Variants in TCERG1L observed in about 807,000 individuals in gnomAD.
TCERG1L encodes the protein transcription elongation regulator 1 like.
A neutral mutation model predicts 56.3 loss-of-function variants in TCERG1L; 37 were observed. The observed-to-expected ratio is 0.66, with a 90% CI of 0.51 to 0.87. The LOEUF is 0.87. Ranked by LOEUF, TCERG1L falls within the 40% of genes least tolerant of loss-of-function variation. The pLI, the probability that TCERG1L is intolerant of heterozygous loss-of-function variation, is 0.00. For missense variants in TCERG1L, 799 were observed against 774.2 expected (o/e 1.03, Z -0.38); for synonymous variants, 324 against 326.3 (o/e 0.99, Z 0.08).
intron 4 of TCERG1L, among the ~76,000 whole-genome samples, chr10:131,195,005 T>C (rs983618254): frequency 5.3e-5 from 8 of 152,220 alleles, no homozygotes; most frequent in African/African-American, 1.9e-4. Context: ...CTGTTCCATT[T>C]GCTGAGGTCA....
At position 131,184,331 on chromosome 10, in the gene TCERG1L, A is replaced by C. The variant is rs185859779; in HGVS notation, c.857-17446T>G. Among the ~76,000 whole-genome samples, 261 of 152,148 alleles carry C rather than the reference A, an allele frequency of 1.7e-3. 1 individual carries two copies. Among genetic ancestry groups the C allele is most frequent in the Middle Eastern group, 0.014 (4 of 294 alleles). On this transcript the variant is annotated intron_variant, in intron 4 of 11. Transcript: ENST00000368642. Reference sequence around the variant, plus strand: ...CTACTTTAAATCAACTGTGTGATTGATACAAAATAGACGTTTAATAAATAT... The same window carrying C: ...CTACTTTAAATCAACTGTGTGATTGCTACAAAATAGACGTTTAATAAATAT...
intron 4 of TCERG1L, among the ~76,000 whole-genome samples, chr10:131,207,280 A>T (rs182839033): frequency 6.6e-6 from 1 of 151,602 alleles, no homozygotes; most frequent in East Asian, 2.0e-4. Flanking sequence ...AGGTCACAGG[A>T]GCTTTCCAAA....
intron 6 of TCERG1L, among the ~76,000 whole-genome samples, chr10:131,152,417 T>C (rs997014055): frequency 6.6e-6 from 1 of 152,214 alleles, no homozygotes; most frequent in Non-Finnish European, 1.5e-5. Flanking sequence ...CTCATCTCCA[T>C]CTGAGACCAC....
At position 131,206,891 on chromosome 10, in the gene TCERG1L, G is replaced by A. The variant is rs183206371; in HGVS notation, c.857-40006C>T. Among the ~76,000 whole-genome samples the A allele has an allele frequency of 3.5e-3, 537 of 152,264 alleles. 4 individuals carry two copies. The highest frequency in any genetic ancestry group is 0.012 in the African/African-American group (514 of 41,552). On this transcript the variant is annotated intron_variant, in intron 4 of 11. Transcript: ENST00000368642. ...CAAGCGAGTGGTGCGGGAGGACGTGGAAGGATTTGGTACAGTCACTTCACT... is the reference window on the plus strand; with the variant it reads ...CAAGCGAGTGGTGCGGGAGGACGTGAAAGGATTTGGTACAGTCACTTCACT...
At chr10:131,256,033 C>T (rs1379299607) in intron 4 of TCERG1L, among the ~76,000 whole-genome samples, 3 of 152,104 alleles carry the variant, frequency 2.0e-5, no homozygotes, top group Non-Finnish European at 4.4e-5. Context: ...ACGTGTTTCC[C>T]GCACACGCCA....
chr10:131,185,628 A>C (rs1368251533), intron 4 of TCERG1L, among the ~76,000 whole-genome samples: 2 of 152,238 alleles, frequency 1.3e-5, no homozygotes, highest in Non-Finnish European at 2.9e-5. Flanking sequence ...GCGAACAGGC[A>C]TGTGAAAAGG....
At chr10:131,271,748 G>A (rs1046233392) in intron 3 of TCERG1L, among the ~76,000 whole-genome samples, 22 of 152,236 alleles carry the variant, frequency 1.4e-4, no homozygotes, top group Non-Finnish European at 2.5e-4. Context: ...CTCCCCGAGG[G>A]CAGAGGGTTT....
chr10:131,309,565 G>A (rs1304948326), intron 1 of TCERG1L, among the ~76,000 whole-genome samples: 3 of 152,038 alleles, frequency 2.0e-5, no homozygotes, highest in African/African-American at 7.2e-5. Flanking sequence ...AAAACCACAA[G>A]CACGCAGTAA....
In TCERG1L at chr10:131,143,696, A is replaced by C. The variant is rs1018651122; in HGVS notation, c.1189+2810T>G. On this transcript the variant is annotated intron_variant, in intron 7 of 11. Transcript: ENST00000368642. ...ACGCGGGCACGGGTGGGAACACAACACACCAGCACCCTCCAAACTGAAGTG... is the reference window on the plus strand; with the variant it reads ...ACGCGGGCACGGGTGGGAACACAACCCACCAGCACCCTCCAAACTGAAGTG... 9.2e-5 allele frequency among the ~76,000 whole-genome samples: 14 copies of C among 152,188 alleles called. 1 individual carries two copies. In the East Asian group the frequency reaches 2.5e-3, roughly 27 times the overall value.
intron 4 of TCERG1L, among the ~76,000 whole-genome samples, chr10:131,222,808 G>A (rs987659725): frequency 6.6e-6 from 1 of 152,132 alleles, no homozygotes; most frequent in Non-Finnish European, 1.5e-5. Flanking sequence ...CCAAGCCACC[G>A]CTCTCTGGGG....
intron 6 of TCERG1L, 139 bp from the exon 7 acceptor site, chr10:131,146,799 ACTAAAGACAAAG>A: frequency 2.1e-6 from 2 of 941,790 alleles, no homozygotes; most frequent in East Asian, 2.6e-5. Flanking sequence ...TAGTATGAAT[ACTAAAGACAAAG>A]CCTGCCTTTT....
intron 4 of TCERG1L, among the ~76,000 whole-genome samples, chr10:131,220,362 C>T (rs542438154): frequency 3.3e-5 from 5 of 152,324 alleles, no homozygotes; most frequent in Admixed American, 6.5e-5. Context: ...GAGCACAGCC[C>T]TTGGGCCTCT....
chr10:131,220,060 C>T (rs887774495), intron 4 of TCERG1L, among the ~76,000 whole-genome samples: 3 of 152,322 alleles, frequency 2.0e-5, no homozygotes, highest in East Asian at 3.9e-4. Context: ...TTCCAACACA[C>T]ATCACAGGCC....
rs551244887 is a variant in TCERG1L, at chr10:131,205,149, A to G, written c.857-38264T>C. On this transcript the variant is annotated intron_variant, in intron 4 of 11. Transcript: ENST00000368642. ...TGGCTTTACTGCCGTTGTGACTGAC[A>G]AGTGGTCCCCTTAAAAAGGGAAAAA... 1.2e-3 allele frequency among the ~76,000 whole-genome samples: 182 copies of G among 152,248 alleles called. 2 individuals carry two copies. Among genetic ancestry groups the G allele is most frequent in the South Asian group, 8.1e-3 (39 of 4,820 alleles).
At chr10:131,226,622 G>A (rs1034793218) in intron 4 of TCERG1L, among the ~76,000 whole-genome samples, 11 of 152,346 alleles carry the variant, frequency 7.2e-5, no homozygotes, top group African/African-American at 2.2e-4. Context: ...GGGAGAGACC[G>A]TCGGTGGAGC....
intron 4 of TCERG1L, among the ~76,000 whole-genome samples, chr10:131,241,114 G>A (rs1017623604): frequency 2.6e-5 from 4 of 152,178 alleles, no homozygotes; most frequent in African/African-American, 4.8e-5. Flanking sequence ...TCAGGGCACC[G>A]CACAGAAATG....
intron 7 of TCERG1L, among the ~76,000 whole-genome samples, chr10:131,138,656 T>C (rs779311661): frequency 5.3e-5 from 8 of 152,208 alleles, no homozygotes; most frequent in Non-Finnish European, 1.0e-4. Context: ...GTTACAAGTA[T>C]AAGGGTTGTT....
At chr10:131,128,884 C>T (rs2133399665) in intron 8 of TCERG1L, among the ~76,000 whole-genome samples, 1 of 152,252 alleles carries the variant, frequency 6.6e-6, no homozygotes, top group Non-Finnish European at 1.5e-5. Flanking sequence ...CCTGCCAGAG[C>T]ACTAATCAAA....
chr10:131,105,759 C>CA (rs1845346351), intron 9 of TCERG1L, among the ~76,000 whole-genome samples: 1 of 152,186 alleles, frequency 6.6e-6, no homozygotes, highest in Admixed American at 6.5e-5. Context: ...CTTATGTACT[C>CA]AATCTTTTAT....
Sources: gnomAD v4.1 joint callset for allele counts (sites outside exome capture counted in the v4.1 genomes callset) on GRCh38, gnomAD v4.1.1 for gene constraint, MANE v1.5 for transcripts, NCBI Gene and HGNC (gene_info 2026-07-23, HGNC 2026-07-21) for gene names.